PPARGC1A: variants seen among roughly 807,000 people sequenced by gnomAD.
The protein encoded by PPARGC1A is PPARG coactivator 1 alpha, also known as peroxisome proliferator-activated receptor gamma coactivator 1-alpha.
PPARGC1A carries 25 observed loss-of-function variants against 88.7 expected under a neutral mutation model. That is an observed-to-expected ratio of 0.28 (90% CI 0.21 to 0.39). The LOEUF is 0.39. Ranked by LOEUF, PPARGC1A falls within the 10% of genes least tolerant of loss-of-function variation. The pLI, the probability that PPARGC1A is intolerant of heterozygous loss-of-function variation, is 1.00. For missense variants in PPARGC1A, 880 were observed against 968.7 expected, an observed-to-expected ratio of 0.91 and a Z score of 1.22; for synonymous variants, 363 against 355.6, an observed-to-expected ratio of 1.02 and a Z score of -0.24.
chr4:23,981,560 C>G, the PPARGC1A span, among the ~76,000 whole-genome samples: 1 of 151,996 alleles, frequency 6.6e-6, no homozygotes, highest in African/African-American at 2.4e-5. Flanking sequence ...CATCACTGAC[C>G]AAAGAGAAGG....
At chr4:24,064,592 A>G in the PPARGC1A span, among the ~76,000 whole-genome samples, 1 of 152,020 alleles carries the variant, frequency 6.6e-6, no homozygotes, top group African/African-American at 2.4e-5. Context: ...TGCTCATATA[A>G]AGACACACAG....
At chr4:24,011,256 G>A in the PPARGC1A span, among the ~76,000 whole-genome samples, 1 of 152,230 alleles carries the variant, frequency 6.6e-6, no homozygotes, top group African/African-American at 2.4e-5. Flanking sequence ...CTTGGGCAAA[G>A]GCACCTGCGT....
At chr4:24,055,230 C>T in the PPARGC1A span, among the ~76,000 whole-genome samples, 3 of 152,214 alleles carry the variant, frequency 2.0e-5, no homozygotes, top group Non-Finnish European at 4.4e-5. Context: ...GATTGTGAAA[C>T]CACAGTTCTG....
the PPARGC1A span, among the ~76,000 whole-genome samples, chr4:24,036,028 C>G: frequency 6.6e-6 from 1 of 152,278 alleles, no homozygotes; most frequent in South Asian, 2.1e-4. Flanking sequence ...ACCAGACTAC[C>G]TAGGTTCCAA....
chr4:23,913,281 G>C, the PPARGC1A span, among the ~76,000 whole-genome samples: 1 of 125,626 alleles, frequency 8.0e-6, no homozygotes, highest in Non-Finnish European at 1.5e-5. Flanking sequence ...GAGAGAGAGA[G>C]AGAGAGAGAG....
chr4:24,339,704 C>G, the PPARGC1A span, among the ~76,000 whole-genome samples: 2 of 152,250 alleles, frequency 1.3e-5, no homozygotes, highest in Middle Eastern at 6.8e-3. Context: ...ATACAGTTTT[C>G]AATTATTTGG....
chr4:24,323,410 G>A, the PPARGC1A span, among the ~76,000 whole-genome samples: 1 of 152,116 alleles, frequency 6.6e-6, no homozygotes, highest in Non-Finnish European at 1.5e-5. Context: ...CTTAACTGAT[G>A]ACATTCCACC....
the PPARGC1A span, among the ~76,000 whole-genome samples, chr4:24,085,415 A>T: frequency 6.6e-6 from 1 of 152,298 alleles, no homozygotes; most frequent in African/African-American, 2.4e-5. Context: ...CATCTTATAG[A>T]GGCAGAAACA....
At chr4:24,122,465 A>G in the PPARGC1A span, among the ~76,000 whole-genome samples, 8 of 151,002 alleles carry the variant, frequency 5.3e-5, no homozygotes, top group Non-Finnish European at 1.0e-4. Flanking sequence ...AGAGAGATCT[A>G]TATAAATTTT....
the PPARGC1A span, among the ~76,000 whole-genome samples, chr4:24,044,518 T>C: frequency 2.0e-5 from 3 of 150,788 alleles, no homozygotes; most frequent in African/African-American, 7.3e-5. Flanking sequence ...AATGCATGCT[T>C]CCTAACTACC....
the PPARGC1A span, among the ~76,000 whole-genome samples, chr4:24,058,508 C>T: frequency 2.0e-5 from 3 of 152,178 alleles, no homozygotes; most frequent in African/African-American, 7.2e-5. Flanking sequence ...AGACCCTCTT[C>T]CCACCACATA....
chr4:24,302,138 T>A, the PPARGC1A span, among the ~76,000 whole-genome samples: 3 of 152,352 alleles, frequency 2.0e-5, no homozygotes, highest in East Asian at 5.8e-4. Flanking sequence ...TCTTCCTTCT[T>A]GGTTCATTTT....
In PPARGC1A at chr4:23,877,155, A is replaced by T. The variant is rs725289; in HGVS notation, c.234+7597T>A. Among the ~76,000 whole-genome samples the T allele has an allele frequency of 7.6e-3, 1,161 of 152,190 alleles. 36 individuals are homozygous for T. In the East Asian group the frequency reaches 0.11, roughly 14 times the overall value. On this transcript the variant is annotated intron_variant, in intron 2 of 12. Transcript: ENST00000264867. ...TCTCTCTCCCCTTTTCCCTGCTCTC[A>T]TTCTAGCTACAGTAAAGCATAGGAT...
chr4:24,132,921 A>G, the PPARGC1A span, among the ~76,000 whole-genome samples: 1 of 151,922 alleles, frequency 6.6e-6, no homozygotes, highest in Non-Finnish European at 1.5e-5. Flanking sequence ...AAACATTCCT[A>G]ACAGTTTGTG....
At chr4:24,051,554 G>A in the PPARGC1A span, among the ~76,000 whole-genome samples, 6 of 152,088 alleles carry the variant, frequency 3.9e-5, no homozygotes, top group Non-Finnish European at 5.9e-5. Context: ...AAAGATTAAG[G>A]CACTAGCCTC....
At chr4:24,431,256 C>G in the PPARGC1A span, among the ~76,000 whole-genome samples, 1 of 151,716 alleles carries the variant, frequency 6.6e-6, no homozygotes, top group African/African-American at 2.4e-5. Context: ...GGAGAGATTT[C>G]TAGATGGAAA....
At chr4:23,837,932 G>T (rs1051569923) in intron 2 of PPARGC1A, among the ~76,000 whole-genome samples, 14 of 152,004 alleles carry the variant, frequency 9.2e-5, no homozygotes, top group African/African-American at 3.4e-4. Flanking sequence ...TACAGATTTT[G>T]GTTCTGATGC....
At chr4:24,276,976 G>A in the PPARGC1A span, among the ~76,000 whole-genome samples, 54 of 152,168 alleles carry the variant, frequency 3.5e-4, no homozygotes, top group African/African-American at 9.7e-4. Context: ...AGTACAGACC[G>A]CCCTCAAATT....
At chr4:23,862,469 G>A (rs765336319) in intron 2 of PPARGC1A, among the ~76,000 whole-genome samples, 2 of 151,270 alleles carry the variant, frequency 1.3e-5, no homozygotes, top group Non-Finnish European at 2.9e-5. Context: ...GAATGATTAC[G>A]AATTTGACTG....
Sources: gnomAD v4.1 joint callset for allele counts (sites outside exome capture counted in the v4.1 genomes callset) on GRCh38, gnomAD v4.1.1 for gene constraint, MANE v1.5 for transcripts, NCBI Gene and HGNC (gene_info 2026-07-23, HGNC 2026-07-21) for gene names.